The following NBPF26 variants were observed in gnomAD, a reference collection of about 807,000 sequenced individuals.
The protein encoded by NBPF26 is NBPF family member NBPF26.
Under a neutral mutation model 119.6 loss-of-function variants are expected in NBPF26, and 79 were observed. That is an observed-to-expected ratio of 0.66 (90% CI 0.55 to 0.80). The LOEUF (loss-of-function observed/expected upper bound fraction) is 0.80, where lower values mean the gene tolerates loss of function less well. Among genes scored for constraint, NBPF26 ranks in the 30% least tolerant of loss-of-function variants. NBPF26 has a pLI of 0.00. For missense variants in NBPF26, 800 were observed against 1,198.2 expected (o/e 0.67, Z 4.91); for synonymous variants, 299 against 457.7 (o/e 0.65, Z 4.43).
In NBPF26 at chr1:120,804,330, A is replaced by C. The variant is rs1367174375; in HGVS notation, c.752-1226A>C. On this transcript the variant is annotated intron_variant, in intron 4 of 29. Coordinates refer to ENST00000620612, the Ensembl canonical transcript of NBPF26. Reference sequence around the variant, plus strand: ...TCACCTCAAACTCACCTTCTACTGCACAGCAACACTGAGGATCGCCAACCA... The same window carrying C: ...TCACCTCAAACTCACCTTCTACTGCCCAGCAACACTGAGGATCGCCAACCA... Among the ~76,000 whole-genome samples the C allele has an allele frequency of 4.7e-5, 5 of 106,802 alleles. 1 individual carries two copies. Among genetic ancestry groups the C allele is most frequent in the Non-Finnish European group, 8.7e-5 (5 of 57,460 alleles). The allele number at this position is 106,802 out of a possible 152,430, so 70.1% of individuals were successfully genotyped here.
In NBPF26 at chr1:120,805,309, G is replaced by A. The variant is rs1553269570; in HGVS notation, c.752-247G>A. The A allele has an allele frequency of 1.6e-5, 17 of 1,068,840 alleles. 3 individuals carry two copies. The Admixed American group carries it at 3.2e-4, about 20-fold the overall frequency. 66.2% of individuals were successfully genotyped at this position (1,068,840 alleles called of 1,614,324 possible). A position where few individuals can be genotyped will look rare whatever the true frequency, so the allele number is the denominator to read the frequency against. ...TTATTGCAACTGCAGACGGTTACCT[G>A]GCACGCTGGCCACATTCTGCCTCAC... is the stretch of plus-strand genomic sequence containing the variant. On this transcript the variant is annotated intron_variant, in intron 4 of 29. Transcript: ENST00000620612.
intron 1 of NBPF26, among the ~76,000 whole-genome samples, chr1:120,752,554 ATTTT>A (rs1188849971): frequency 1.9e-3 from 7 of 3,744 alleles, no homozygotes; most frequent in Non-Finnish European, 4.1e-4. Context: ...ATATATATAT[ATTTT>A]TTTTTTTTTT....
In NBPF26 at chr1:120,829,749, C is replaced by T; in HGVS notation, c.2813-15C>T. On this transcript the variant is annotated splice_polypyrimidine_tract_variant and intron_variant, in intron 18 of 29. Coordinates refer to ENST00000620612, the Ensembl canonical transcript of NBPF26. The stretch of plus-strand genomic sequence containing the variant: ...ACCAGCTTAATATATCTGTCCATGT[C>T]TGAACTTATTGCAGAAATTGAAAAG... 2 of 941,014 alleles carry T rather than the reference C, an allele frequency of 2.1e-6. 1 individual carries two copies. Among genetic ancestry groups the T allele is most frequent in the African/African-American group, 6.4e-5 (2 of 31,276 alleles). 58.3% of individuals were successfully genotyped at this position (941,014 alleles called of 1,614,324 possible).
In NBPF26 at chr1:120,784,075, G is replaced by T. The variant is rs1318123159; in HGVS notation, c.156-899G>T. On this transcript the variant is annotated intron_variant, in intron 2 of 29. Coordinates refer to ENST00000620612, the Ensembl canonical transcript of NBPF26. ...ATTAGGCTACAGTCATAGAAGGTTA[G>T]CTGTGAAACAATAATTTGGAAAGGT... 1.7e-5 allele frequency among the ~76,000 whole-genome samples: 2 copies of T among 117,142 alleles called. 1 individual carries two copies. Among genetic ancestry groups the T allele is most frequent in the Non-Finnish European group, 3.3e-5 (2 of 60,998 alleles). 76.8% of individuals were successfully genotyped at this position (117,142 alleles called of 152,430 possible). A position where few individuals can be genotyped will look rare whatever the true frequency, so the allele number is the denominator to read the frequency against.
chr1:120,786,368 A>G lies in NBPF26; in HGVS notation c.415+1135A>G, dbSNP rs1386357755. Among the ~76,000 whole-genome samples the G allele has an allele frequency of 3.2e-4, 35 of 108,796 alleles. 7 individuals are homozygous for G. Among genetic ancestry groups the G allele is most frequent in the Admixed American group, 2.7e-4 (3 of 11,126 alleles). 71.4% of individuals were successfully genotyped at this position (108,796 alleles called of 152,430 possible). On this transcript the variant is annotated intron_variant, in intron 3 of 29. Coordinates refer to ENST00000620612, the Ensembl canonical transcript of NBPF26. ...CCTCCCATTTCCTCTGCTACCCTGTAGTTGAGGGCCATGTTATCTCTCACC... is the reference window on the plus strand; with the variant it reads ...CCTCCCATTTCCTCTGCTACCCTGTGGTTGAGGGCCATGTTATCTCTCACC...
chr1:120,752,519 A>AATAT (rs1204399606), intron 1 of NBPF26, among the ~76,000 whole-genome samples: 193 of 14,644 alleles, frequency 0.013, 3 homozygotes, highest in African/African-American at 0.041. Context: ...GAAGTTCAGG[A>AATAT]ATATATATAT....
Position 120,724,224 on chromosome 1 carries a change from G to A in NBPF26, c.47G>A (p.Trp16Ter), listed in dbSNP as rs1262110557. 10 of 1,404,982 alleles carry A rather than the reference G, an allele frequency of 7.1e-6. 3 individuals are homozygous for A. The highest frequency in any genetic ancestry group is 9.3e-6 in the Non-Finnish European group (10 of 1,070,284). The allele number at this position is 1,404,982 out of a possible 1,614,324, so 87.0% of individuals were successfully genotyped here. Residue 16 changes from tryptophan (W) to a stop codon, truncating the protein, a stop_gained, in exon 1 of 30, where the codon TGG becomes TAG. Transcript: ENST00000620612. LOFTEE classifies it high-confidence loss of function. The stretch of plus-strand genomic sequence containing the variant: ...CTGCTGTGGGCGCTGCTGGCGCTCT[G>A]GCTGTGCTGGGCGGCCCCCGCGCAT...
intron 11 of NBPF26, among the ~76,000 whole-genome samples, chr1:120,814,580 C>T (rs1338438479): frequency 1.6e-5 from 2 of 121,876 alleles, no homozygotes; most frequent in African/African-American, 7.7e-5. Flanking sequence ...AAGACACCTA[C>T]TTTTGTTTAC....
chr1:120,819,640 G>A (rs1294876427), intron 15 of NBPF26, among the ~76,000 whole-genome samples: 2 of 98,408 alleles, frequency 2.0e-5, no homozygotes, highest in Non-Finnish European at 3.7e-5. Flanking sequence ...TCCATGTTTA[G>A]TGCTTCCTTT....
chr1:120,840,680 G>T, downstream of NBPF26: 1 of 1,405,396 alleles, frequency 7.1e-7, no homozygotes, highest in Non-Finnish European at 9.5e-7. Context: ...AGTTCCATTT[G>T]GAAGCCCAGA....
At chr1:120,729,050 C>T (rs1650847317) in intron 1 of NBPF26, among the ~76,000 whole-genome samples, 1 of 115,448 alleles carries the variant, frequency 8.7e-6, no homozygotes. Context: ...GTCACAGCAT[C>T]TATGACTCCT....
At chr1:120,801,826 CA>C (rs1168359637) in intron 4 of NBPF26, among the ~76,000 whole-genome samples, 746 of 9,024 alleles carry the variant, frequency 0.083, 7 homozygotes, top group African/African-American at 0.15. Context: ...GACCCTGTCT[CA>C]AAAAAAAAAA....
At position 120,812,202 on chromosome 1, in the gene NBPF26, T is replaced by A; in HGVS notation, c.1774+107T>A. 2.5e-6 allele frequency: 2 copies of A among 808,170 alleles called. 1 individual carries two copies. Among genetic ancestry groups the A allele is most frequent in the Non-Finnish European group, 3.9e-6 (2 of 517,720 alleles). The allele number at this position is 808,170 out of a possible 1,614,324, so 50.1% of individuals were successfully genotyped here. On this transcript the variant is annotated intron_variant, in intron 10 of 29. Transcript: ENST00000620612. ...AAAAATAATGTCATCCTCCCCGTAC[T>A]TCTAGGAAAACAGAAATGGGTATTT...
chr1:120,819,004 G>C lies in NBPF26; in HGVS notation c.2423+830G>C, dbSNP rs1285165040. ...TAGATGTCTTTTAGGTCTGCTTGGT[G>C]GAGAGCTGAGTTCAAGTCCTGGATA... On this transcript the variant is annotated intron_variant, in intron 15 of 29. Coordinates refer to ENST00000620612, the Ensembl canonical transcript of NBPF26. Among the ~76,000 whole-genome samples the C allele has an allele frequency of 1.8e-5, 2 of 112,754 alleles. 1 individual carries two copies. Among genetic ancestry groups the C allele is most frequent in the Non-Finnish European group, 3.5e-5 (2 of 56,934 alleles). The allele number at this position is 112,754 out of a possible 152,430, so 74.0% of individuals were successfully genotyped here.
rs1553272288 is a variant in NBPF26 at position 120,823,428 on chromosome 1, C to G, written c.2639+68C>G. 7.7e-5 allele frequency: 56 copies of G among 723,214 alleles called. 9 individuals are homozygous for G. Among genetic ancestry groups the G allele is most frequent in the South Asian group, 7.6e-4 (53 of 69,400 alleles). The allele number at this position is 723,214 out of a possible 1,614,324, so 44.8% of individuals were successfully genotyped here. A position where few individuals can be genotyped will look rare whatever the true frequency, so the allele number is the denominator to read the frequency against. ...CTGGAGATGCCAAGTCCAGGGAAAACAGTACATGCTGAAAATAATGATTTT... is the reference window on the plus strand; with the variant it reads ...CTGGAGATGCCAAGTCCAGGGAAAAGAGTACATGCTGAAAATAATGATTTT... On this transcript the variant is annotated intron_variant, in intron 17 of 29. Coordinates refer to ENST00000620612, the Ensembl canonical transcript of NBPF26.
chr1:120,788,514 G>A lies in NBPF26; in HGVS notation c.415+3281G>A, dbSNP rs1651449087. On this transcript the variant is annotated intron_variant, in intron 3 of 29. Coordinates refer to ENST00000620612, the Ensembl canonical transcript of NBPF26. ...TTCCATTTCCACCCCGTGATTCCTG[G>A]ACCTGTGAATCCTGGCTATGGGAGA... is the stretch of plus-strand genomic sequence containing the variant. Among the ~76,000 whole-genome samples, 2 of 45,208 alleles carry A rather than the reference G, an allele frequency of 4.4e-5. 1 individual carries two copies. The highest frequency in any genetic ancestry group is 3.0e-4 in the African/African-American group (2 of 6,736). 29.7% of individuals were successfully genotyped at this position (45,208 alleles called of 152,430 possible).
intron 10 of NBPF26, 64 bp downstream of exon 10, chr1:120,812,159 C>A: frequency 1.0e-6 from 1 of 956,790 alleles, no homozygotes; most frequent in South Asian, 1.4e-5. Context: ...CTCTGAGACA[C>A]TAAATGCTCT....
At chr1:120,754,440 T>G (rs1359053849) in intron 1 of NBPF26, among the ~76,000 whole-genome samples, 2 of 87,154 alleles carry the variant, frequency 2.3e-5, no homozygotes, top group Non-Finnish European at 4.1e-5. Context: ...TACAGCTTCT[T>G]CCTCTCTGTT....
At chr1:120,778,315 AG>A (rs1651322108) in intron 2 of NBPF26, among the ~76,000 whole-genome samples, 2 of 74,464 alleles carry the variant, frequency 2.7e-5, no homozygotes. Flanking sequence ...GGGGGCCAAG[AG>A]GCCCAGCGCA....
Sources: allele counts gnomAD v4.1 joint callset (sites outside exome capture counted in the v4.1 genomes callset), GRCh38; gene constraint gnomAD v4.1.1; transcripts MANE v1.5; gene names NCBI Gene and HGNC (gene_info 2026-07-23, HGNC 2026-07-21).